ALG8: variants seen among roughly 807,000 people sequenced by gnomAD.
ALG8 encodes dolichyl pyrophosphate Glc1Man9GlcNAc2 alpha-1,3-glucosyltransferase.
A neutral mutation model predicts 70.2 loss-of-function variants in ALG8; 48 were observed. That is an observed-to-expected ratio of 0.68 (90% CI 0.54 to 0.87). The LOEUF is 0.87. ALG8 is among the 40% of genes least tolerant of loss of function. The pLI, the probability that ALG8 is intolerant of heterozygous loss-of-function variation, is 0.00. For missense variants in ALG8, 572 were observed against 608.7 expected (o/e 0.94, Z 0.64); for synonymous variants, 234 against 229.0 (o/e 1.02, Z -0.20).
chr11:78,137,394 C>T (rs796593786), intron 1 of ALG8: 2 of 152,360 alleles, frequency 1.3e-5, no homozygotes, highest in African/African-American at 4.8e-5. Flanking sequence ...CTTGTGTATT[C>T]ACTGGAGTAG....
intron 10 of ALG8, 72 bp from the exon 11 acceptor site, chr11:78,104,525 T>G: frequency 7.4e-7 from 1 of 1,349,404 alleles, no homozygotes; most frequent in Non-Finnish European, 1.0e-6. Context: ...AAACTGCATC[T>G]CCTATTACAT....
In ALG8 at chr11:78,139,496, T is replaced by C. The variant is rs975832277; in HGVS notation, c.93A>G (p.Thr31=). The C allele has an allele frequency of 2.6e-6, 4 of 1,557,544 alleles. No individual in the cohort carries two copies. The highest frequency in any genetic ancestry group is 3.5e-6 in the Non-Finnish European group (4 of 1,150,116). Residue 31 remains threonine (T), a splice_region_variant and synonymous_variant, in exon 1 of 13, where the codon ACA becomes ACG. Coordinates refer to ENST00000299626, the MANE Select transcript of ALG8 (RefSeq NM_024079.5). ...CCCTGGCCGTGCGAGTCCCTTACTATGTGGGGATGAGAAGGCATTTGAGAA... is the reference window on the plus strand; with the variant it reads ...CCCTGGCCGTGCGAGTCCCTTACTACGTGGGGATGAGAAGGCATTTGAGAA... ...VTLLKCLLIP[T]YHSTDFEVHR...
rs560792723 is a variant in ALG8, at chr11:78,115,446, C to G, written c.547-1054G>C. ...TTGCCCAGGCTGGAGTGCAATGGCA[C>G]GGTCTCGTTTACTGCAACCTCCACT... On this transcript the variant is annotated intron_variant, in intron 5 of 12. Coordinates refer to ENST00000299626, the MANE Select transcript of ALG8 (RefSeq NM_024079.5). Among the ~76,000 whole-genome samples, 377 of 142,288 alleles carry G rather than the reference C, an allele frequency of 2.6e-3. 2 individuals are homozygous for G. Among genetic ancestry groups the G allele is most frequent in the Non-Finnish European group, 3.1e-3 (204 of 66,238 alleles). 93.3% of individuals were successfully genotyped at this position (142,288 alleles called of 152,430 possible).
At chr11:78,113,426 T>G (rs952450992) in intron 7 of ALG8, among the ~76,000 whole-genome samples, 2 of 152,004 alleles carry the variant, frequency 1.3e-5, no homozygotes, top group African/African-American at 2.4e-5. Context: ...AATACTACCT[T>G]ATCGGGCCAA....
At chr11:78,125,898 G>A (rs557263846) in intron 2 of ALG8, among the ~76,000 whole-genome samples, 17 of 151,978 alleles carry the variant, frequency 1.1e-4, no homozygotes, top group Non-Finnish European at 2.4e-4. Context: ...AGTGGCTCAC[G>A]CCTGTAATCC....
intron 3 of ALG8, among the ~76,000 whole-genome samples, chr11:78,121,552 C>A (rs965120497): frequency 7.1e-6 from 1 of 141,658 alleles, no homozygotes; most frequent in Non-Finnish European, 1.5e-5. Flanking sequence ...GACCTTCTCA[C>A]TAGAAAAAAA....
In ALG8 at chr11:78,114,651, C is replaced by T. The variant is rs653368; in HGVS notation, c.547-259G>A. On this transcript the variant is annotated intron_variant, in intron 5 of 12. Coordinates refer to ENST00000299626, the MANE Select transcript of ALG8 (RefSeq NM_024079.5). ...AACTTTTCTGGAAAGCTAAAATTATCCTACAAAAAGGTTATTTAAAAAACT... is the reference window on the plus strand; with the variant it reads ...AACTTTTCTGGAAAGCTAAAATTATTCTACAAAAAGGTTATTTAAAAAACT... 0.19 allele frequency: 95,188 copies of T among 504,636 alleles called. 10,667 individuals carry two copies. Among genetic ancestry groups the T allele is most frequent in the African/African-American group, 0.38 (19,605 of 51,528 alleles). 31.3% of individuals were successfully genotyped at this position (504,636 alleles called of 1,614,324 possible).
chr11:78,115,233 C>T (rs1357379813), intron 5 of ALG8, among the ~76,000 whole-genome samples: 2 of 152,094 alleles, frequency 1.3e-5, no homozygotes, highest in Admixed American at 6.6e-5. Flanking sequence ...AGGGTTTCAC[C>T]ATGTTGGCCA....
chr11:78,125,757 C>T (rs370046226), intron 2 of ALG8, among the ~76,000 whole-genome samples: 2 of 152,000 alleles, frequency 1.3e-5, no homozygotes, highest in East Asian at 2.0e-4. Context: ...GCCAGTCAGC[C>T]GAGATCGTGC....
intron 5 of ALG8, 68 bp from the exon 6 acceptor site, chr11:78,114,460 C>A: frequency 6.4e-7 from 1 of 1,572,898 alleles, no homozygotes; most frequent in Non-Finnish European, 8.7e-7. Context: ...ATGTGGTATT[C>A]TAGATTGAAT....
intron 2 of ALG8, among the ~76,000 whole-genome samples, chr11:78,125,692 G>A (rs561869916): frequency 1.1e-4 from 16 of 151,920 alleles, no homozygotes; most frequent in African/African-American, 2.2e-4. Context: ...CAGGAGAATC[G>A]CTTACTCAGG....
In ALG8 at chr11:78,113,968, C is replaced by A. The variant is rs547807006; in HGVS notation, c.695G>T (p.Ser232Ile). The change falls in exon 7 of 13, where the codon AGT (serine) becomes ATT (isoleucine). Residue 232 changes from serine to isoleucine, a missense_variant. Coordinates refer to ENST00000299626, the MANE Select transcript of ALG8 (RefSeq NM_024079.5). Reference protein sequence around the residue: ...NKPDGSIRWKSFSFVRVISLG... With the variant: ...NKPDGSIRWKIFSFVRVISLG... ...GGAAATAACACGAACAAAGCTGAAA[C>A]TCTTCCATCGAATAGACCCATCTAC... 1 of 1,598,082 alleles carries A rather than the reference C, an allele frequency of 6.3e-7. No individual in the cohort carries two copies. Among genetic ancestry groups the A allele is most frequent in the Admixed American group, 1.7e-5 (1 of 58,374 alleles).
chr11:78,107,839 CAAAA>C (rs59453362), intron 9 of ALG8: 5 of 77,498 alleles, frequency 6.5e-5, no homozygotes, highest in South Asian at 9.1e-4. Context: ...GAGACTGTCT[CAAAA>C]AAAAAAAAAA....
intron 1 of ALG8, among the ~76,000 whole-genome samples, chr11:78,132,378 C>T (rs527991947): frequency 1.3e-5 from 2 of 152,188 alleles, no homozygotes; most frequent in Non-Finnish European, 2.9e-5. Context: ...TCAAAGGGCA[C>T]CTAGCCTTCC....
intron 1 of ALG8, among the ~76,000 whole-genome samples, chr11:78,130,406 G>A (rs991296750): frequency 1.3e-5 from 2 of 149,218 alleles, no homozygotes; most frequent in African/African-American, 5.0e-5. Flanking sequence ...TGGGGTTGTG[G>A]GGAGTGGCTG....
intron 12 of ALG8, among the ~76,000 whole-genome samples, chr11:78,103,132 C>T (rs1267519599): frequency 6.6e-6 from 1 of 151,884 alleles, no homozygotes; most frequent in African/African-American, 2.4e-5. Context: ...TCAAGACCAG[C>T]CTGACCAACA....
chr11:78,109,312 A>C lies in ALG8; in HGVS notation c.1038+130T>G. ...CTAAGAATTGCTAGGAAATGCTTCA[A>C]TCTGCAGAAGGATTACAGGCATGAA... On this transcript the variant is annotated intron_variant, in intron 9 of 12. Coordinates refer to ENST00000299626, the MANE Select transcript of ALG8 (RefSeq NM_024079.5). 3 of 1,244,196 alleles carry C rather than the reference A, an allele frequency of 2.4e-6. No individual in the cohort carries two copies. In the Admixed American group the frequency reaches 5.9e-5, roughly 24 times the overall value. The allele number at this position is 1,244,196 out of a possible 1,614,324, so 77.1% of individuals were successfully genotyped here. A position where few individuals can be genotyped will look rare whatever the true frequency, so the allele number is the denominator to read the frequency against.
At chr11:78,130,242 A>T (rs903446737) in intron 1 of ALG8, among the ~76,000 whole-genome samples, 1 of 146,432 alleles carries the variant, frequency 6.8e-6, no homozygotes. Flanking sequence ...CCAGCTACTC[A>T]AGAGGTTGAG....
At chr11:78,104,546 T>C in intron 10 of ALG8, 93 bp from the exon 11 acceptor site, 2 of 1,164,122 alleles carry the variant, frequency 1.7e-6, no homozygotes, top group Non-Finnish European at 2.5e-6. Context: ...TAGAACTGGC[T>C]GAGGCATAGA....
Sources: gnomAD v4.1 joint callset for allele counts (sites outside exome capture counted in the v4.1 genomes callset) on GRCh38, gnomAD v4.1.1 for gene constraint, MANE v1.5 for transcripts, NCBI Gene and HGNC (gene_info 2026-07-23, HGNC 2026-07-21) for gene names.